Variants in CCDC33 observed in about 807,000 individuals in gnomAD.
CCDC33 encodes the protein coiled-coil domain containing 33, also known as coiled-coil domain-containing protein 33.
CCDC33 carries 94 observed loss-of-function variants against 91.9 expected under a neutral mutation model. The ratio of observed to expected loss-of-function variants is 1.02; its 90% CI spans 0.87 to 1.21. CCDC33 has a LOEUF of 1.21. Among genes scored for constraint, CCDC33 ranks in the 50% most tolerant of loss-of-function variants. The probability of loss-of-function intolerance (pLI) is 0.00; values close to 1 mark genes in which losing one functional copy is unlikely to be tolerated. For missense variants in CCDC33, 940 were observed against 935.5 expected, an observed-to-expected ratio of 1.00 and a Z score of -0.06; for synonymous variants, 396 against 374.5, an observed-to-expected ratio of 1.06 and a Z score of -0.66.
intron 2 of CCDC33, among the ~76,000 whole-genome samples, chr15:74,250,489 C>A (rs1311355613): frequency 6.6e-6 from 1 of 152,200 alleles, no homozygotes; most frequent in African/African-American, 2.4e-5. Flanking sequence ...CAGAAACATT[C>A]TCCCTTCCCC....
rs914891870 is a variant in CCDC33 at position 74,218,588 on chromosome 15, G to C, written c.402G>C (p.Val134=). Residue 134 remains valine (V), a synonymous_variant, in exon 2 of 3, where the codon GTG becomes GTC. Coordinates refer to the CCDC33 transcript ENST00000635913. This position sits in a 1 kb window ranked among gnomAD's most constrained non-coding sequence, Gnocchi z 4.8. ...CCTTGGGACGGGCAGCCCAGCGGGT[G>C]GGTGAGGCCATCTTCCCCATCTACC... is the stretch of plus-strand genomic sequence containing the variant. The C allele has an allele frequency of 3.9e-6, 5 of 1,289,838 alleles. No homozygotes were observed. The highest frequency in any genetic ancestry group is 5.1e-6 in the Non-Finnish European group (5 of 988,874). The allele number at this position is 1,289,838 out of a possible 1,614,324, so 79.9% of individuals were successfully genotyped here.
chr15:74,287,406 T>C (rs1161558545), intron 10 of CCDC33, among the ~76,000 whole-genome samples: 2 of 152,174 alleles, frequency 1.3e-5, no homozygotes, highest in African/African-American at 2.4e-5. Flanking sequence ...CTCAGGTCAT[T>C]TGGCAGGAGG....
intron 11 of CCDC33, among the ~76,000 whole-genome samples, chr15:74,311,058 G>GGCGCA (rs1567022775): frequency 6.6e-6 from 1 of 152,084 alleles, no homozygotes; most frequent in Non-Finnish European, 1.5e-5. Context: ...GCCTGGACAG[G>GGCGCA]GCGCACGGGG....
At chr15:74,295,306 AT>A (rs1312142570) in intron 10 of CCDC33, among the ~76,000 whole-genome samples, 2 of 152,258 alleles carry the variant, frequency 1.3e-5, no homozygotes, top group African/African-American at 2.4e-5. Context: ...AAGTAAATGC[AT>A]TTTTAAATTT....
At chr15:74,280,183 C>A in intron 8 of CCDC33, 91 bp downstream of exon 8, 1 of 1,474,952 alleles carries the variant, frequency 6.8e-7, no homozygotes, top group Admixed American at 1.8e-5. Context: ...CTCTGCCTCC[C>A]ACAGGGATGG....
At chr15:74,203,444 G>T (rs1369847342) in intron 1 of CCDC33, among the ~76,000 whole-genome samples, 1 of 152,180 alleles carries the variant, frequency 6.6e-6, no homozygotes, top group African/African-American at 2.4e-5. Context: ...AGGAAGGGGC[G>T]AGAGGCAGAA....
intron 2 of CCDC33, among the ~76,000 whole-genome samples, chr15:74,256,612 C>T (rs1282600497): frequency 6.6e-6 from 1 of 152,190 alleles, no homozygotes; most frequent in Non-Finnish European, 1.5e-5. Flanking sequence ...CCCAGGGCCC[C>T]TCACCAGCTA....
intron 7 of CCDC33, among the ~76,000 whole-genome samples, chr15:74,274,702 G>A (rs2076406547): frequency 6.6e-6 from 1 of 152,208 alleles, no homozygotes; most frequent in Non-Finnish European, 1.5e-5. Context: ...GGGGCAAGAG[G>A]CACTGCCTGC....
chr15:74,228,910 A>AGCGAAGGG (rs1308291021), intron 2 of CCDC33, among the ~76,000 whole-genome samples: 6 of 152,194 alleles, frequency 3.9e-5, no homozygotes, highest in Middle Eastern at 3.4e-3. Context: ...GGGTGGTGTG[A>AGCGAAGGG]GCGAAGGGTG....
chr15:74,209,478 A>T (rs2074335697), exon 2 of CCDC33: 11 of 1,530,450 alleles, frequency 7.2e-6, no homozygotes, highest in African/African-American at 2.7e-5. Context: ...AGCTGGGCTG[A>T]GGGCCCTGAC....
At chr15:74,217,064 C>G (rs537434110), upstream of CCDC33, 96 of 276,246 alleles carry the variant, frequency 3.5e-4, 1 homozygote, top group South Asian at 3.6e-3. Context: ...GTTGAAGGAA[C>G]AAATGCTAAA....
At chr15:74,308,419 A>T (rs2142725789) in intron 11 of CCDC33, among the ~76,000 whole-genome samples, 1 of 151,816 alleles carries the variant, frequency 6.6e-6, no homozygotes, top group South Asian at 2.1e-4. Flanking sequence ...AAGTCCGCAG[A>T]TAATAGAGAC....
chr15:74,271,762 T>A lies in CCDC33; in HGVS notation c.606T>A (p.Ile202=). The change falls in exon 6 of 19, where the codon ATT becomes ATA. Residue 202 remains isoleucine (I), a synonymous_variant. Coordinates refer to ENST00000398814, the MANE Select transcript of CCDC33 (RefSeq NM_025055.5). ...ACAACCCCAACCCCATAGTGGTGAT[T>A]GCCCGGGTCGTTCCCAACTACAAGG... ...LANNPNPIVV[I]ARVVPNYKEF... The A allele has an allele frequency of 6.2e-7, 1 of 1,613,852 alleles. No individual in the cohort carries two copies. Among genetic ancestry groups the A allele is most frequent in the Non-Finnish European group, 8.5e-7 (1 of 1,179,816 alleles).
chr15:74,269,996 G>T (rs765641719), intron 5 of CCDC33, among the ~76,000 whole-genome samples: 1 of 152,184 alleles, frequency 6.6e-6, no homozygotes. Context: ...GAGCAATAGG[G>T]CCTGCCAGCC....
chr15:74,214,055 A>C (rs892086490), upstream of CCDC33, among the ~76,000 whole-genome samples: 7 of 151,842 alleles, frequency 4.6e-5, no homozygotes, highest in African/African-American at 1.7e-4. Context: ...GGAAGGAAGT[A>C]AAGTGGGGGT....
chr15:74,273,578 C>T (rs1324924935), intron 7 of CCDC33, among the ~76,000 whole-genome samples: 1 of 151,650 alleles, frequency 6.6e-6, no homozygotes, highest in African/African-American at 2.4e-5. Context: ...AAGCAATTCT[C>T]CTGCCTCAGC....
At chr15:74,315,161 C>T (rs975264670) in intron 11 of CCDC33, among the ~76,000 whole-genome samples, 16 of 152,196 alleles carry the variant, frequency 1.1e-4, no homozygotes, top group Non-Finnish European at 2.9e-5. Context: ...TGCAGGGGAC[C>T]AGGGAGGCAT....
intron 1 of CCDC33, chr15:74,208,754 A>G: frequency 1.0e-6 from 1 of 988,274 alleles, no homozygotes; most frequent in Non-Finnish European, 1.2e-6. Context: ...CTGTTCCCCG[A>G]CCTGTTCCAA....
intron 11 of CCDC33, chr15:74,300,339 AAGACGTGGGC>A (rs1222259452): frequency 2.6e-5 from 4 of 152,266 alleles, no homozygotes; most frequent in African/African-American, 9.7e-5. Flanking sequence ...CACAGTGTGG[AAGACGTGGGC>A]AGACATACAG....
Sources: gnomAD v4.1 joint callset for allele counts (sites outside exome capture counted in the v4.1 genomes callset) on GRCh38, gnomAD v4.1.1 for gene constraint, Gnocchi (gnomAD v3.1) non-coding constraint, MANE v1.5 for transcripts, NCBI Gene and HGNC (gene_info 2026-07-23, HGNC 2026-07-21) for gene names.